The following RSPH3 variants were observed in gnomAD, a reference collection of about 807,000 sequenced individuals.
RSPH3 encodes the protein radial spoke head protein 3 homolog.
A neutral mutation model predicts 43.8 loss-of-function variants in RSPH3; 21 were observed. The observed-to-expected ratio is 0.48, with a 90% CI of 0.34 to 0.69. The LOEUF is 0.69. Among genes scored for constraint, RSPH3 ranks in the 30% least tolerant of loss-of-function variants. The pLI, the probability that RSPH3 is intolerant of heterozygous loss-of-function variation, is 0.01. For missense variants in RSPH3, 487 were observed against 516.0 expected, an observed-to-expected ratio of 0.94 and a Z score of 0.54; for synonymous variants, 173 against 179.8, an observed-to-expected ratio of 0.96 and a Z score of 0.30.
At chr6:158,992,415 G>A (rs1487152326) in intron 2 of RSPH3, among the ~76,000 whole-genome samples, 5 of 151,408 alleles carry the variant, frequency 3.3e-5, no homozygotes, top group African/African-American at 9.7e-5. Flanking sequence ...AAGTAGCTGG[G>A]ACTACAGGGG....
At chr6:158,995,410 G>A (rs191280155) in intron 1 of RSPH3, among the ~76,000 whole-genome samples, 2,874 of 152,206 alleles carry the variant, frequency 0.019, 90 homozygotes, top group African/African-American at 0.065. Context: ...GGTGTCAACA[G>A]GACTGCACTC....
Position 158,974,452 on chromosome 6 carries a change from GAA to G in RSPH3, c.*3084_*3085del, listed in dbSNP as rs1343534851. Reference sequence around the variant, plus strand: ...ATTTGCAAAAGTTGCTTACAGTTATGAAAAGTCTTCTAGACATATGGAACCTA... The same window carrying G: ...ATTTGCAAAAGTTGCTTACAGTTATGAAGTCTTCTAGACATATGGAACCTA... On this transcript the variant is annotated 3_prime_UTR_variant, in exon 8 of 8. Coordinates refer to ENST00000367069, the MANE Select transcript of RSPH3 (RefSeq NM_031924.8). 1.3e-5 allele frequency: 2 copies of G among 152,140 alleles called. No individual in the cohort carries two copies. The highest frequency in any genetic ancestry group is 2.9e-5 in the Non-Finnish European group (2 of 68,002). 9.4% of individuals were successfully genotyped at this position (152,140 alleles called of 1,614,324 possible). A position where few individuals can be genotyped will look rare whatever the true frequency, so the allele number is the denominator to read the frequency against.
chr6:158,981,064 G>C, intron 5 of RSPH3, 128 bp from the exon 6 acceptor site: 1 of 814,486 alleles, frequency 1.2e-6, no homozygotes, highest in South Asian at 2.4e-5. Context: ...ATCTATTAAA[G>C]GTTCATATTT....
At chr6:158,966,095 A>G in the RSPH3 span, among the ~76,000 whole-genome samples, 1 of 152,108 alleles carries the variant, frequency 6.6e-6, no homozygotes, top group African/African-American at 2.4e-5. Flanking sequence ...GGTTCAGGGT[A>G]CATGTGCAGA....
At position 158,976,353 on chromosome 6, in the gene RSPH3, T is replaced by C. The variant is rs948613266; in HGVS notation, c.*1185A>G. 6.6e-6 allele frequency: 1 copy of C among 152,212 alleles called. No individual in the cohort carries two copies. The highest frequency in any genetic ancestry group is 6.5e-5 in the Admixed American group (1 of 15,282). The allele number at this position is 152,212 out of a possible 1,614,324, so 9.4% of individuals were successfully genotyped here. ...ACATTCAGATTAAAAAGTCAAATGT[T>C]AATTCCCTATGCTACAGCACAGTCA... On this transcript the variant is annotated 3_prime_UTR_variant, in exon 8 of 8. Coordinates refer to ENST00000367069, the MANE Select transcript of RSPH3 (RefSeq NM_031924.8).
chr6:158,999,841 CA>C lies in RSPH3; in HGVS notation c.-292del, dbSNP rs1350940598. ...GGGAACTCCGGGCAGTTCCGGTCCC[CA>C]GGTTTCCCGGGAAGGACTGCGGCAC... On this transcript the variant is annotated 5_prime_UTR_variant, in exon 1 of 8. The change creates a premature stop within an existing upstream ORF in the 5' untranslated region. Coordinates refer to ENST00000367069, the MANE Select transcript of RSPH3 (RefSeq NM_031924.8). The C allele has an allele frequency of 6.2e-6, 10 of 1,613,898 alleles. No homozygotes were observed. Among genetic ancestry groups the C allele is most frequent in the Admixed American group, 1.7e-5 (1 of 60,024 alleles).
intron 1 of RSPH3, among the ~76,000 whole-genome samples, chr6:158,998,377 G>C (rs1289732733): frequency 6.7e-6 from 1 of 148,476 alleles, no homozygotes; most frequent in Non-Finnish European, 1.5e-5. Flanking sequence ...GCTGAGGCAG[G>C]AGAATGGCGT....
At chr6:158,977,970 C>T (rs750330821) in intron 7 of RSPH3, 122 bp from the exon 8 acceptor site, 1 of 816,670 alleles carries the variant, frequency 1.2e-6, no homozygotes, top group South Asian at 1.8e-5. Flanking sequence ...TTTCCTATGT[C>T]ATAACCTTTT....
intron 7 of RSPH3, 29 bp from the exon 8 acceptor site, chr6:158,977,877 A>G (rs760104989): frequency 2.6e-6 from 4 of 1,537,364 alleles, no homozygotes; most frequent in African/African-American, 2.8e-5. Context: ...AGACATCACT[A>G]TGATTTTCAT....
At chr6:158,963,695 T>A in the RSPH3 span, among the ~76,000 whole-genome samples, 3 of 151,834 alleles carry the variant, frequency 2.0e-5, no homozygotes, top group Admixed American at 6.6e-5. Context: ...GCTCAAGCAA[T>A]CTTCCCACTT....
At position 158,999,499 on chromosome 6, in the gene RSPH3, A is replaced by C; in HGVS notation, c.52T>G (p.Tyr18Asp). Reference sequence around the variant, plus strand: ...GGCAGTGCTCGGGGCCGGCTGGTGTAGGTGTAGGTGCTCGGGGCCCGAGAG... The same window carrying C: ...GGCAGTGCTCGGGGCCGGCTGGTGTCGGTGTAGGTGCTCGGGGCCCGAGAG... ...RTSRAPSTYT[Y>D]TSRPRALPCQ... The change falls in exon 1 of 8, where the codon TAC becomes GAC. Residue 18 changes from tyrosine to aspartate, a missense_variant. Transcript: ENST00000367069. 6.4e-7 allele frequency: 1 copy of C among 1,550,872 alleles called. No homozygotes were observed. Among genetic ancestry groups the C allele is most frequent in the Non-Finnish European group, 8.7e-7 (1 of 1,146,110 alleles).
chr6:158,989,222 T>C lies in RSPH3; in HGVS notation c.205-2801A>G, dbSNP rs148852835. Among the ~76,000 whole-genome samples the C allele has an allele frequency of 0.018, 2,709 of 152,164 alleles. 34 individuals are homozygous for C. The highest frequency in any genetic ancestry group is 0.024 in the Middle Eastern group (7 of 294). On this transcript the variant is annotated intron_variant, in intron 2 of 7. Transcript: ENST00000367069. This position sits in a 1 kb window ranked among gnomAD's most constrained non-coding sequence, Gnocchi z 4.3. ...CCACCATGCCTGGCTAATTTTTGTATTTTTAGTAGACGTGGGGTTTCATCA... is the reference window on the plus strand; with the variant it reads ...CCACCATGCCTGGCTAATTTTTGTACTTTTAGTAGACGTGGGGTTTCATCA...
chr6:158,964,755 A>G, the RSPH3 span, among the ~76,000 whole-genome samples: 1 of 152,164 alleles, frequency 6.6e-6, no homozygotes, highest in Non-Finnish European at 1.5e-5. Context: ...ATTTTCATCC[A>G]TTCTCTGAGT....
rs763472739 is a variant in RSPH3, at chr6:158,982,638, C to T, written c.543G>A (p.Gly181=). ...EVKPVLEVLV[G]KTIEQSLLEV... Reference sequence around the variant, plus strand: ...CCAGAAGAGACTGCTCAATTGTCTTCCCCACCAAAACTTCTAACACTGGTT... The same window carrying T: ...CCAGAAGAGACTGCTCAATTGTCTTTCCCACCAAAACTTCTAACACTGGTT... The change falls in exon 5 of 8, where the codon GGG becomes GGA. Residue 181 remains glycine (G), a synonymous_variant. Coordinates refer to ENST00000367069, the MANE Select transcript of RSPH3 (RefSeq NM_031924.8). The T allele has an allele frequency of 6.2e-7, 1 of 1,613,692 alleles. No individual in the cohort carries two copies. Among genetic ancestry groups the T allele is most frequent in the South Asian group, 1.1e-5 (1 of 91,064 alleles).
intron 1 of RSPH3, among the ~76,000 whole-genome samples, chr6:158,998,650 G>A (rs1321784583): frequency 6.7e-6 from 1 of 149,286 alleles, no homozygotes; most frequent in Admixed American, 6.7e-5. Flanking sequence ...GAGGCCAAGA[G>A]TTTGAGACCA....
chr6:158,985,542 T>C (rs1438431049), intron 3 of RSPH3, among the ~76,000 whole-genome samples: 2 of 152,188 alleles, frequency 1.3e-5, no homozygotes, highest in Non-Finnish European at 2.9e-5. Context: ...ATGATCCTTC[T>C]GCCTTAGCCT....
chr6:158,999,597 C>T lies in RSPH3; in HGVS notation c.-47G>A. ...CTTTCGGTGGAGCTTGGCTTTGAAGCAGGTGGGCGCTAAGGTGTTGTGGGA... is the reference window on the plus strand; with the variant it reads ...CTTTCGGTGGAGCTTGGCTTTGAAGTAGGTGGGCGCTAAGGTGTTGTGGGA... On this transcript the variant is annotated 5_prime_UTR_variant, in exon 1 of 8. Coordinates refer to ENST00000367069, the MANE Select transcript of RSPH3 (RefSeq NM_031924.8). The T allele has an allele frequency of 6.2e-7, 1 of 1,610,034 alleles. No individual in the cohort carries two copies.
intron 2 of RSPH3, 117 bp downstream of exon 2, chr6:158,993,722 C>T: frequency 1.8e-6 from 1 of 559,940 alleles, no homozygotes; most frequent in South Asian, 3.1e-5. Context: ...TATAGTAATT[C>T]ATCTTTATTT....
At chr6:158,984,154 C>A (rs539545069) in intron 3 of RSPH3, among the ~76,000 whole-genome samples, 1 of 151,876 alleles carries the variant, frequency 6.6e-6, no homozygotes, top group Admixed American at 6.6e-5. Context: ...AAATTCTGGT[C>A]TATTTCAAGC....
Sources: allele counts gnomAD v4.1 joint callset (sites outside exome capture counted in the v4.1 genomes callset), GRCh38; gene constraint gnomAD v4.1.1; non-coding constraint Gnocchi (gnomAD v3.1); transcripts MANE v1.5; gene names NCBI Gene and HGNC (gene_info 2026-07-23, HGNC 2026-07-21).